The following MAPRE2 variants were observed in gnomAD, a reference collection of about 807,000 sequenced individuals.
The protein encoded by MAPRE2 is microtubule-associated protein RP/EB family member 2.
Under a neutral mutation model 43.2 loss-of-function variants are expected in MAPRE2, and 13 were observed. That is an observed-to-expected ratio of 0.30 (90% CI 0.20 to 0.48). The LOEUF (loss-of-function observed/expected upper bound fraction) is 0.48, where lower values mean the gene tolerates loss of function less well. Among genes scored for constraint, MAPRE2 ranks in the 20% least tolerant of loss-of-function variants. MAPRE2 has a pLI of 0.99. For missense variants in MAPRE2, 161 were observed against 400.2 expected, an observed-to-expected ratio of 0.40 and a Z score of 5.10; for synonymous variants, 135 against 148.8, an observed-to-expected ratio of 0.91 and a Z score of 0.68.
chr18:35,043,754 C>T (rs1905481654), intron 1 of MAPRE2, among the ~76,000 whole-genome samples: 1 of 152,188 alleles, frequency 6.6e-6, no homozygotes, highest in Admixed American at 6.5e-5. Flanking sequence ...GGAAGCCTCT[C>T]AAATTGCATT....
At chr18:35,104,855 G>A (rs374489994) in intron 4 of MAPRE2, among the ~76,000 whole-genome samples, 5 of 152,220 alleles carry the variant, frequency 3.3e-5, no homozygotes, top group African/African-American at 1.2e-4. Flanking sequence ...AGAAAATCAA[G>A]GGTGTCTGAT....
chr18:34,995,561 A>T (rs1212730874), intron 1 of MAPRE2, among the ~76,000 whole-genome samples: 2 of 152,322 alleles, frequency 1.3e-5, no homozygotes, highest in East Asian at 3.9e-4. Flanking sequence ...AAAGGGGAGA[A>T]CTTCCCTAAG....
At chr18:35,043,374 AC>A (rs1905459740) in intron 1 of MAPRE2, among the ~76,000 whole-genome samples, 1 of 152,202 alleles carries the variant, frequency 6.6e-6, no homozygotes, top group African/African-American at 2.4e-5. Flanking sequence ...TTCGAATTTT[AC>A]CCCACGGGCC....
intron 1 of MAPRE2, among the ~76,000 whole-genome samples, chr18:35,054,191 A>T (rs1906099285): frequency 1.3e-5 from 2 of 152,284 alleles, no homozygotes; most frequent in Admixed American, 1.3e-4. Context: ...TAAAATTTAG[A>T]GACTGGGAAA....
intron 1 of MAPRE2, among the ~76,000 whole-genome samples, chr18:34,994,699 A>G (rs143860983): frequency 6.6e-6 from 1 of 152,342 alleles, no homozygotes; most frequent in East Asian, 1.9e-4. Context: ...CAATAATAAT[A>G]ATGATAAATT....
intron 6 of MAPRE2, among the ~76,000 whole-genome samples, chr18:35,135,656 C>T (rs543499173): frequency 6.6e-6 from 1 of 152,368 alleles, no homozygotes; most frequent in African/African-American, 2.4e-5. Context: ...CTGCCCCCAT[C>T]TCTGGGAATC....
upstream of MAPRE2, among the ~76,000 whole-genome samples, chr18:35,036,904 G>A (rs750589217): frequency 6.6e-6 from 1 of 152,086 alleles, no homozygotes; most frequent in African/African-American, 2.4e-5. Flanking sequence ...TGCTCTAAGG[G>A]GTCTCACATT....
At chr18:35,052,904 T>C (rs546746366) in intron 1 of MAPRE2, among the ~76,000 whole-genome samples, 2 of 152,164 alleles carry the variant, frequency 1.3e-5, no homozygotes, top group Non-Finnish European at 2.9e-5. Flanking sequence ...TAGGTTATCT[T>C]TTTAAATAGA....
chr18:35,081,530 G>C (rs954455738), intron 2 of MAPRE2, among the ~76,000 whole-genome samples: 1 of 152,162 alleles, frequency 6.6e-6, no homozygotes, highest in Admixed American at 6.5e-5. Flanking sequence ...TCTTTTCAGG[G>C]AGCTGCCGGG....
At chr18:35,122,820 G>A (rs945459999) in intron 4 of MAPRE2, among the ~76,000 whole-genome samples, 7 of 152,222 alleles carry the variant, frequency 4.6e-5, no homozygotes, top group Non-Finnish European at 1.0e-4. Context: ...TGCCTGATTC[G>A]TGAGCACAGA....
intron 2 of MAPRE2, among the ~76,000 whole-genome samples, chr18:35,026,415 CAGCA>C (rs1478840942): frequency 6.6e-6 from 1 of 152,174 alleles, no homozygotes; most frequent in African/African-American, 2.4e-5. Flanking sequence ...CCTGCTTATT[CAGCA>C]AGTGAGAGAA....
intron 1 of MAPRE2, among the ~76,000 whole-genome samples, chr18:34,993,497 C>T (rs2097024863): frequency 6.6e-6 from 1 of 152,192 alleles, no homozygotes; most frequent in Non-Finnish European, 1.5e-5. Context: ...ACTATAACAA[C>T]CTTTTCTTTG....
At chr18:35,116,442 T>A (rs1469201759) in intron 4 of MAPRE2, among the ~76,000 whole-genome samples, 1 of 152,200 alleles carries the variant, frequency 6.6e-6, no homozygotes, top group Non-Finnish European at 1.5e-5. Context: ...AGGCACAACT[T>A]AGCTGGGTTA....
At chr18:35,116,088 A>G (rs368237244) in intron 4 of MAPRE2, among the ~76,000 whole-genome samples, 5 of 152,372 alleles carry the variant, frequency 3.3e-5, no homozygotes, top group East Asian at 3.9e-4. Context: ...AATAGGCAAT[A>G]GTAATAGAGG....
chr18:35,021,720 A>G (rs1336833758), intron 2 of MAPRE2, among the ~76,000 whole-genome samples: 1 of 152,290 alleles, frequency 6.6e-6, no homozygotes, highest in South Asian at 2.1e-4. Context: ...AAAGATGAAA[A>G]GACAGAAAAT....
rs780373450 is a variant in MAPRE2, at chr18:35,126,965, C to T, written c.628C>T (p.Pro210Ser). The T allele has an allele frequency of 2.4e-5, 38 of 1,613,878 alleles. No individual in the cohort carries two copies. In the East Asian group the frequency reaches 5.8e-4, roughly 25 times the overall value. ...SPTAGAAKSS[P>S]AAKPGSTPSR... ...GCTTTCAGGTGCAGCTAAATCAAGT[C>T]CAGCAGCTAAACCAGGATCCACACC... The change falls in exon 5 of 7, where the codon CCA (proline) becomes TCA (serine). Residue 210 changes from proline to serine, a missense_variant. Physicochemically the swap from Pro to Ser is moderately conservative, Grantham distance 74. Around this residue, in one of 2 missense-constraint regions of MAPRE2, gnomAD observed 96 missense variants for 153.3 expected, o/e 0.63. Transcript: ENST00000300249.
At chr18:35,131,984 A>G (rs942477271) in intron 5 of MAPRE2, 48 bp from the exon 6 acceptor site, 2 of 1,588,516 alleles carry the variant, frequency 1.3e-6, no homozygotes, top group African/African-American at 2.8e-5. Context: ...GTCATGTCTT[A>G]TACTATATTT....
At chr18:35,095,402 G>GCACA (rs1190479436) in intron 2 of MAPRE2, among the ~76,000 whole-genome samples, 8 of 93,860 alleles carry the variant, frequency 8.5e-5, no homozygotes, top group East Asian at 3.2e-4. Context: ...ACACACACAC[G>GCACA]CACACACACA....
At chr18:35,044,526 A>C (rs1905524578) in intron 1 of MAPRE2, among the ~76,000 whole-genome samples, 1 of 152,348 alleles carries the variant, frequency 6.6e-6, no homozygotes, top group Non-Finnish European at 1.5e-5. Flanking sequence ...CACTGCACCC[A>C]GCCTTAGGCT....
Sources: gnomAD v4.1 joint callset for allele counts (sites outside exome capture counted in the v4.1 genomes callset) on GRCh38, gnomAD v4.1.1 for gene constraint, gnomAD v4.1.1 regional missense constraint, MANE v1.5 for transcripts, NCBI Gene and HGNC (gene_info 2026-07-23, HGNC 2026-07-21) for gene names.